TPH2: variants seen among roughly 807,000 people sequenced by gnomAD.
The protein encoded by TPH2 is tryptophan 5-hydroxylase 2.
TPH2 carries 27 observed loss-of-function variants against 59.1 expected under a neutral mutation model. That is an observed-to-expected ratio of 0.46 (90% CI 0.34 to 0.63). TPH2 has a LOEUF of 0.63. TPH2 is among the 30% of genes least tolerant of loss of function. TPH2 has a pLI of 0.01. For missense variants in TPH2, 523 were observed against 588.3 expected (o/e 0.89, Z 1.15); for synonymous variants, 220 against 210.5 (o/e 1.05, Z -0.39).
intron 9 of TPH2, among the ~76,000 whole-genome samples, chr12:72,027,260 G>A (rs115490144): frequency 0.026 from 3,926 of 152,222 alleles, 175 homozygotes; most frequent in African/African-American, 0.089. Context: ...AATTCTCTAC[G>A]GGTTTCAGAC....
At chr12:71,958,066 G>A (rs1871562061) in intron 5 of TPH2, among the ~76,000 whole-genome samples, 1 of 152,210 alleles carries the variant, frequency 6.6e-6, no homozygotes, top group African/African-American at 2.4e-5. Context: ...GCACTTTGAA[G>A]ATGAGGAAAC....
intron 6 of TPH2, among the ~76,000 whole-genome samples, chr12:71,977,746 G>A (rs1247423160): frequency 1.3e-5 from 2 of 152,094 alleles, no homozygotes; most frequent in Admixed American, 6.5e-5. Context: ...ACCTATCGAC[G>A]ATGTTGAGGA....
chr12:72,004,130 C>T (rs1371482118), intron 8 of TPH2, among the ~76,000 whole-genome samples: 1 of 142,220 alleles, frequency 7.0e-6, no homozygotes, highest in Non-Finnish European at 1.5e-5. Flanking sequence ...GTTTGATGTA[C>T]AGTATGTGGT....
chr12:72,030,747 G>C (rs953616683), intron 9 of TPH2, among the ~76,000 whole-genome samples: 3 of 152,066 alleles, frequency 2.0e-5, no homozygotes, highest in Admixed American at 6.6e-5. Flanking sequence ...TCCAGACTCT[G>C]TTGATACACA....
chr12:71,940,438 A>C (rs1456818342), intron 1 of TPH2, among the ~76,000 whole-genome samples: 2 of 152,196 alleles, frequency 1.3e-5, no homozygotes, highest in African/African-American at 4.8e-5. Flanking sequence ...CCAGTAGAGA[A>C]ATCAGAAGAA....
intron 8 of TPH2, among the ~76,000 whole-genome samples, chr12:72,021,375 GTGTGTGTGTGTGTGTGTGTGTA>G (rs1592415522): frequency 6.6e-6 from 1 of 150,856 alleles, no homozygotes; most frequent in East Asian, 1.9e-4. Context: ...GTGTGTGTGT[GTGTGTGTGTGTGTGTGTGTGTA>G]TGTGTGTATA....
chr12:72,001,140 G>A (rs1256349302), intron 8 of TPH2, among the ~76,000 whole-genome samples: 1 of 152,180 alleles, frequency 6.6e-6, no homozygotes, highest in Non-Finnish European at 1.5e-5. Flanking sequence ...ATCGGCCTCT[G>A]GCCCAGTTGG....
intron 8 of TPH2, among the ~76,000 whole-genome samples, chr12:71,996,876 A>G (rs907182560): frequency 6.6e-6 from 1 of 152,222 alleles, no homozygotes; most frequent in Non-Finnish European, 1.5e-5. Flanking sequence ...TTCAAATTAC[A>G]TTTATAAGGA....
chr12:72,001,451 A>T, intron 8 of TPH2, among the ~76,000 whole-genome samples: 1 of 149,422 alleles, frequency 6.7e-6, no homozygotes, highest in Non-Finnish European at 1.5e-5. Flanking sequence ...TTTGAGACAG[A>T]GTTCTCTCTC....
rs1171112483 is a variant in TPH2, at chr12:71,979,099, C to A, written c.941+12C>A. On this transcript the variant is annotated intron_variant, in intron 7 of 10. Transcript: ENST00000333850. Reference sequence around the variant, plus strand: ...TACACCCCAGAACCGTGAGTACCTACATTAAAGCCCAGGCCACCACACCAT... The same window carrying A: ...TACACCCCAGAACCGTGAGTACCTAAATTAAAGCCCAGGCCACCACACCAT... 6.2e-7 allele frequency: 1 copy of A among 1,613,992 alleles called. No individual in the cohort carries two copies. Among genetic ancestry groups the A allele is most frequent in the Non-Finnish European group, 8.5e-7 (1 of 1,179,994 alleles).
chr12:71,993,942 C>T (rs1872635833), intron 7 of TPH2, among the ~76,000 whole-genome samples: 1 of 152,232 alleles, frequency 6.6e-6, no homozygotes, highest in African/African-American at 2.4e-5. Flanking sequence ...GTCACAACTA[C>T]TCAACTCTGC....
chr12:71,981,905 ATGACTACACAGATAAGAGG>A lies in TPH2; in HGVS notation c.941+2819_941+2837del, dbSNP rs1300587602. 9.2e-5 allele frequency among the ~76,000 whole-genome samples: 14 copies of A among 151,644 alleles called. 1 individual carries two copies. The highest frequency in any genetic ancestry group is 7.2e-4 in the Admixed American group (11 of 15,224). On this transcript the variant is annotated intron_variant, in intron 7 of 10. Coordinates refer to ENST00000333850, the MANE Select transcript of TPH2 (RefSeq NM_173353.4). ...TAGTTATTTTTCTTCCAAGTCTCCT[ATGACTACACAGATAAGAGG>A]AGACTAAGTCAGAGGATGGAAACTT...
intron 6 of TPH2, among the ~76,000 whole-genome samples, chr12:71,978,216 A>G (rs552921445): frequency 8.2e-6 from 1 of 122,088 alleles, no homozygotes. Context: ...ATGCATATTT[A>G]AAAAAAAAAA....
intron 6 of TPH2, 126 bp downstream of exon 6, chr12:71,972,841 G>A: frequency 6.7e-6 from 7 of 1,041,436 alleles, no homozygotes; most frequent in Non-Finnish European, 9.9e-6. Context: ...TGTTGGCTTT[G>A]AGCCAACAAT....
chr12:71,961,762 T>G, intron 5 of TPH2: 3 of 1,321,624 alleles, frequency 2.3e-6, no homozygotes, highest in Non-Finnish European at 3.0e-6. Flanking sequence ...TTCTGCAAGG[T>G]GAGAAAATAG....
intron 8 of TPH2, among the ~76,000 whole-genome samples, chr12:71,997,269 T>G (rs893729155): frequency 1.3e-5 from 2 of 152,198 alleles, no homozygotes; most frequent in African/African-American, 4.8e-5. Context: ...TTCTAACGGC[T>G]TCTATGATTA....
At chr12:71,958,271 T>A (rs1251996920) in intron 5 of TPH2, among the ~76,000 whole-genome samples, 2 of 152,192 alleles carry the variant, frequency 1.3e-5, no homozygotes, top group Non-Finnish European at 2.9e-5. Flanking sequence ...AGGTCACTTT[T>A]AGAGGTTCCA....
At chr12:72,006,050 G>A (rs1872945825) in intron 8 of TPH2, among the ~76,000 whole-genome samples, 2 of 152,142 alleles carry the variant, frequency 1.3e-5, no homozygotes, top group Non-Finnish European at 2.9e-5. Context: ...CCATAAAACA[G>A]GGTGAACTCT....
Position 71,994,515 on chromosome 12 carries a change from G to T in TPH2, c.1018G>T (p.Gly340Cys), listed in dbSNP as rs1872647950. 6.2e-7 allele frequency: 1 copy of T among 1,613,970 alleles called. No homozygotes were observed. The highest frequency in any genetic ancestry group is 8.5e-7 in the Non-Finnish European group (1 of 1,179,896). ...PKFAQFSQEI[G>C]LASLGASDED... ...GTTTGCTCAGTTTTCACAAGAAATA[G>T]GTCTGGCGTCTCTGGGAGCATCAGA... The change falls in exon 8 of 11, where the codon GGT (glycine) becomes TGT (cysteine). Residue 340 changes from glycine (G) to cysteine (C), a missense_variant. Physicochemically the swap from Gly to Cys is radical, Grantham distance 159. Coordinates refer to ENST00000333850, the MANE Select transcript of TPH2 (RefSeq NM_173353.4).
Sources: allele counts gnomAD v4.1 joint callset (sites outside exome capture counted in the v4.1 genomes callset), GRCh38; gene constraint gnomAD v4.1.1; transcripts MANE v1.5; gene names NCBI Gene and HGNC (gene_info 2026-07-23, HGNC 2026-07-21).